The following LPIN1 variants were observed in gnomAD, a reference collection of about 807,000 sequenced individuals.
LPIN1 encodes phosphatidate phosphatase LPIN1.
Under a neutral mutation model 107.5 loss-of-function variants are expected in LPIN1, and 71 were observed. The observed-to-expected ratio is 0.66, with a 90% CI of 0.55 to 0.80. The LOEUF (loss-of-function observed/expected upper bound fraction) is 0.80. LPIN1 is among the 30% of genes least tolerant of loss of function. The probability of loss-of-function intolerance (pLI) is 0.00; values close to 1 mark genes in which losing one functional copy is unlikely to be tolerated. For missense variants in LPIN1, 1,043 were observed against 1,160.6 expected (o/e 0.90, Z 1.47); for synonymous variants, 445 against 452.6 (o/e 0.98, Z 0.21).
intron 1 of LPIN1, among the ~76,000 whole-genome samples, chr2:11,747,934 C>T (rs971849971): frequency 6.6e-6 from 1 of 152,200 alleles, no homozygotes; most frequent in Admixed American, 6.5e-5. Flanking sequence ...GCCCTGGACT[C>T]GGGTCGGGAG....
chr2:11,777,107 G>T (rs1392542888), intron 6 of LPIN1: 3 of 152,044 alleles, frequency 2.0e-5, no homozygotes, highest in Non-Finnish European at 4.4e-5. Flanking sequence ...TTACTTTTTT[G>T]AACAACCCTT....
rs751923542 is a variant in LPIN1 at position 11,715,184 on chromosome 2, C to T, written c.138+1372C>T. On this transcript the variant is annotated intron_variant, in intron 2 of 21. Transcript: ENST00000449576. Reference sequence around the variant, plus strand: ...AGCGCAGGCCACATAGTCATGGAGGCGGCCTCGGGCAGCTTCCCGTGGTTC... The same window carrying T: ...AGCGCAGGCCACATAGTCATGGAGGTGGCCTCGGGCAGCTTCCCGTGGTTC... Among the ~76,000 whole-genome samples, 11 of 152,296 alleles carry T rather than the reference C, an allele frequency of 7.2e-5. No homozygotes were observed. The South Asian group carries it at 1.5e-3, about 20-fold the overall frequency.
chr2:11,805,828 A>C (rs2148704586), intron 17 of LPIN1, among the ~76,000 whole-genome samples: 1 of 152,332 alleles, frequency 6.6e-6, no homozygotes, highest in African/African-American at 2.4e-5. Context: ...TGATTTATCC[A>C]AATTCTCATT....
At chr2:11,798,535 T>TA (rs1280017462) in intron 14 of LPIN1, among the ~76,000 whole-genome samples, 4 of 152,196 alleles carry the variant, frequency 2.6e-5, no homozygotes, top group African/African-American at 9.6e-5. Flanking sequence ...CACTGTCCGA[T>TA]ACAATCATAT....
At position 11,765,455 on chromosome 2, in the gene LPIN1, G is replaced by A; in HGVS notation, c.-9-78G>A. The A allele has an allele frequency of 7.4e-7, 1 of 1,350,654 alleles. No homozygotes were observed. Among genetic ancestry groups the A allele is most frequent in the Non-Finnish European group, 1.0e-6 (1 of 964,142 alleles). 83.7% of individuals were successfully genotyped at this position (1,350,654 alleles called of 1,614,324 possible). On this transcript the variant is annotated intron_variant, in intron 1 of 20. Transcript: ENST00000674199. This position sits in a 1 kb window ranked among gnomAD's most constrained non-coding sequence, Gnocchi z 4.4. ...AGTGTGTAATCCACGTTTTTGAAAT[G>A]GTGAGGAGTTCATTTTGATTGGCTC...
In LPIN1 at chr2:11,792,829, C is replaced by G. The variant is rs962237040; in HGVS notation, c.1806+823C>G. ...TTCTTTCAGATCTTCGTTGCCCTCT[C>G]CTCTATTTCTTGAAGCGCTTGCTTT... On this transcript the variant is annotated intron_variant, in intron 13 of 20. Transcript: ENST00000674199. 2.6e-5 allele frequency among the ~76,000 whole-genome samples: 4 copies of G among 152,174 alleles called. No individual in the cohort carries two copies. The East Asian group carries it at 7.8e-4, about 30-fold the overall frequency.
intron 14 of LPIN1, 107 bp from the exon 15 acceptor site, chr2:11,802,800 A>G (rs372692632): frequency 8.4e-6 from 11 of 1,307,968 alleles, no homozygotes; most frequent in Non-Finnish European, 1.1e-6. Context: ...GAGAGACGGG[A>G]CTCAGGAGAG....
rs551344289 is a variant in LPIN1, at chr2:11,752,683, G to A, written c.-10+6012G>A. Among the ~76,000 whole-genome samples, 51 of 151,726 alleles carry A rather than the reference G, an allele frequency of 3.4e-4. 2 individuals carry two copies. In the East Asian group the frequency reaches 8.5e-3, roughly 25 times the overall value. ...CCTGACCTCGTGATCCGCCCGCCTCGGCCTCCCAAAGTGCTGGGATTACAG... is the reference window on the plus strand; with the variant it reads ...CCTGACCTCGTGATCCGCCCGCCTCAGCCTCCCAAAGTGCTGGGATTACAG... On this transcript the variant is annotated intron_variant, in intron 1 of 20. Transcript: ENST00000674199.
intron 7 of LPIN1, among the ~76,000 whole-genome samples, chr2:11,781,708 C>T (rs1193272598): frequency 3.9e-5 from 6 of 152,204 alleles, no homozygotes; most frequent in Non-Finnish European, 1.5e-5. Flanking sequence ...CAGATCTGTG[C>T]AGCGTGCACC....
rs890789281 is a variant in LPIN1, at chr2:11,697,123, T to A, written c.82-16633T>A. Among the ~76,000 whole-genome samples, 4 of 152,196 alleles carry A rather than the reference T, an allele frequency of 2.6e-5. No homozygotes were observed. Among genetic ancestry groups the A allele is most frequent in the South Asian group, 2.1e-4 (1 of 4,836 alleles). Reference sequence around the variant, plus strand: ...CAGATGCGTAGTCCCGGAGCTCAAGTTCTGGGAAGGGCAGTGCCCTTTTCT... The same window carrying A: ...CAGATGCGTAGTCCCGGAGCTCAAGATCTGGGAAGGGCAGTGCCCTTTTCT... On this transcript the variant is annotated intron_variant, in intron 1 of 21. Coordinates refer to the LPIN1 transcript ENST00000449576. This position sits in a 1 kb window ranked among gnomAD's most constrained non-coding sequence, Gnocchi z 4.6.
chr2:11,804,452 C>T lies in LPIN1; in HGVS notation c.2043C>T (p.Asn681=), dbSNP rs372109726. Residue 681 remains asparagine (N), a synonymous_variant, in exon 16 of 21, where the codon AAC becomes AAT. Coordinates refer to ENST00000674199, the MANE Select transcript of LPIN1 (RefSeq NM_001349206.2). ...GCTTGAAGTTGAAGAATGGCCCCAA[C>T]GACGTGGTTTTCAGTGTCACCACGC... ...LKSLKLKNGP[N]DVVFSVTTQY... is the part of the protein sequence containing the mutation. 3.4e-5 allele frequency: 55 copies of T among 1,614,234 alleles called. No homozygotes were observed. Among genetic ancestry groups the T allele is most frequent in the Admixed American group, 6.7e-5 (4 of 60,028 alleles).
intron 1 of LPIN1, among the ~76,000 whole-genome samples, chr2:11,700,915 G>T (rs916265446): frequency 1.3e-5 from 2 of 152,142 alleles, no homozygotes; most frequent in Non-Finnish European, 2.9e-5. Context: ...CAAGACTTGG[G>T]TCCTTTGTCA....
rs767911951 is a variant in LPIN1, at chr2:11,825,108, A to G, written c.*317A>G. 7.5e-6 allele frequency: 3 copies of G among 398,068 alleles called. No individual in the cohort carries two copies. The highest frequency in any genetic ancestry group is 5.5e-5 in the East Asian group (1 of 18,130). 24.7% of individuals were successfully genotyped at this position (398,068 alleles called of 1,614,324 possible). On this transcript the variant is annotated 3_prime_UTR_variant, in exon 21 of 21. Coordinates refer to ENST00000674199, the MANE Select transcript of LPIN1 (RefSeq NM_001349206.2). This position sits in a 1 kb window ranked among gnomAD's most constrained non-coding sequence, Gnocchi z 4.1. ...AGCAAGTAGCTACTGGTTCACGTGC[A>G]GTTTGGGGCTGTGAAACCTAGGCAG...
intron 1 of LPIN1, among the ~76,000 whole-genome samples, chr2:11,752,926 G>A (rs1255428549): frequency 1.3e-5 from 2 of 152,234 alleles, no homozygotes; most frequent in East Asian, 3.8e-4. Flanking sequence ...ATTTAATCGT[G>A]AGGCAAGAAA....
intron 1 of LPIN1, among the ~76,000 whole-genome samples, chr2:11,699,695 G>C (rs1288220046): frequency 6.6e-6 from 1 of 152,116 alleles, no homozygotes; most frequent in Non-Finnish European, 1.5e-5. Flanking sequence ...AAGGGTCACT[G>C]AGTGACCACC....
intron 1 of LPIN1, chr2:11,724,726 TTC>T: frequency 1.2e-6 from 1 of 806,864 alleles, no homozygotes; most frequent in Non-Finnish European, 1.5e-6. Flanking sequence ...CCCATCGGGC[TTC>T]TCAGGCCCTG....
intron 1 of LPIN1, among the ~76,000 whole-genome samples, chr2:11,746,973 G>A (rs965504724): frequency 2.6e-5 from 4 of 152,234 alleles, no homozygotes; most frequent in Admixed American, 2.6e-4. Flanking sequence ...CTCGAGCGGC[G>A]TAGGGGCCAC....
chr2:11,704,401 G>A (rs2148518428), intron 1 of LPIN1, among the ~76,000 whole-genome samples: 1 of 152,304 alleles, frequency 6.6e-6, no homozygotes, highest in African/African-American at 2.4e-5. Context: ...CCCGGGGGAG[G>A]CAGAGCGGGG....
chr2:11,809,852 C>T (rs1679352033), intron 17 of LPIN1, among the ~76,000 whole-genome samples: 1 of 152,166 alleles, frequency 6.6e-6, no homozygotes, highest in African/African-American at 2.4e-5. Context: ...AAGGTCTGAT[C>T]AGGAGTCGGG....
Sources: allele counts gnomAD v4.1 joint callset (sites outside exome capture counted in the v4.1 genomes callset), GRCh38; gene constraint gnomAD v4.1.1; non-coding constraint Gnocchi (gnomAD v3.1); transcripts MANE v1.5; gene names NCBI Gene and HGNC (gene_info 2026-07-23, HGNC 2026-07-21).